Variants in YTHDC2 observed in about 807,000 individuals in gnomAD.
The protein encoded by YTHDC2 is YTH N6-methyladenosine RNA binding protein C2, also known as 3'-5' RNA helicase YTHDC2.
Under a neutral mutation model 174.9 loss-of-function variants are expected in YTHDC2, and 45 were observed. That is an observed-to-expected ratio of 0.26 (90% CI 0.20 to 0.33). The LOEUF (loss-of-function observed/expected upper bound fraction) is 0.33, where lower values mean the gene tolerates loss of function less well. YTHDC2 is among the 10% of genes least tolerant of loss of function. The pLI is 1.00. For synonymous variants in YTHDC2, 657 were observed against 574.5 expected, an observed-to-expected ratio of 1.14 and a Z score of -2.05; for missense variants, 1,650 against 1,723.7, an observed-to-expected ratio of 0.96 and a Z score of 0.76.
At chr5:113,546,030 G>A (rs1236942112) in intron 10 of YTHDC2, among the ~76,000 whole-genome samples, 1 of 150,530 alleles carries the variant, frequency 6.6e-6, no homozygotes, top group Non-Finnish European at 1.5e-5. Flanking sequence ...GTGAGCCACC[G>A]CGCCCGGCCT....
chr5:113,579,046 G>T (rs559450267), intron 23 of YTHDC2, among the ~76,000 whole-genome samples: 11 of 151,422 alleles, frequency 7.3e-5, no homozygotes, highest in Admixed American at 6.6e-4. Context: ...ATTTACAGAG[G>T]GTTATCTATT....
At chr5:113,556,219 A>G (rs1472655738) in intron 17 of YTHDC2, 85 bp downstream of exon 17, 19 of 654,608 alleles carry the variant, frequency 2.9e-5, no homozygotes, top group South Asian at 2.1e-4. Context: ...CATATATTCC[A>G]TGTTCAATAA....
chr5:113,515,833 G>C (rs1198014243), intron 2 of YTHDC2, among the ~76,000 whole-genome samples: 1 of 152,132 alleles, frequency 6.6e-6, no homozygotes, highest in East Asian at 1.9e-4. Context: ...GTAAATTGTG[G>C]GAAGGTATAT....
chr5:113,514,928 C>T (rs1248395502), intron 1 of YTHDC2, among the ~76,000 whole-genome samples: 8 of 151,912 alleles, frequency 5.3e-5, no homozygotes. Context: ...AAGTAGGGAC[C>T]AAGTTAAATA....
chr5:113,549,130 G>T (rs969836307), intron 12 of YTHDC2, 110 bp downstream of exon 12: 2 of 913,790 alleles, frequency 2.2e-6, no homozygotes, highest in Non-Finnish European at 3.2e-6. Context: ...TTTATCCAGA[G>T]ATTTTTTTTT....
intron 18 of YTHDC2, among the ~76,000 whole-genome samples, chr5:113,561,491 C>CA (rs1776969549): frequency 7.5e-6 from 1 of 133,050 alleles, no homozygotes; most frequent in Admixed American, 7.9e-5. Flanking sequence ...TTTTTTGAGT[C>CA]AGAGTCTTGC....
At chr5:113,569,458 A>C (rs1013020326) in intron 23 of YTHDC2, among the ~76,000 whole-genome samples, 1 of 151,996 alleles carries the variant, frequency 6.6e-6, no homozygotes, top group Non-Finnish European at 1.5e-5. Context: ...ATTTTCTTCG[A>C]GGGTTTTTAT....
Position 113,548,780 on chromosome 5 carries a change from G to A in YTHDC2, c.1622+113G>A, listed in dbSNP as rs1281306300. ...AAACTATTGTGTAATAATTGCTGGTGAATTTCTGTTTTAATGGGTTAATAA... is the reference window on the plus strand; with the variant it reads ...AAACTATTGTGTAATAATTGCTGGTAAATTTCTGTTTTAATGGGTTAATAA... On this transcript the variant is annotated intron_variant, in intron 11 of 29. Coordinates refer to ENST00000161863, the MANE Select transcript of YTHDC2 (RefSeq NM_022828.5). 3 of 1,259,360 alleles carry A rather than the reference G, an allele frequency of 2.4e-6. No homozygotes were observed. The Admixed American group carries it at 9.7e-5, about 41-fold the overall frequency. 78.0% of individuals were successfully genotyped at this position (1,259,360 alleles called of 1,614,324 possible).
At chr5:113,576,551 C>G (rs975564620) in intron 23 of YTHDC2, among the ~76,000 whole-genome samples, 6 of 152,006 alleles carry the variant, frequency 3.9e-5, no homozygotes, top group African/African-American at 9.7e-5. Flanking sequence ...ATATTAGCAC[C>G]GTTAAGAGTG....
At position 113,591,022 on chromosome 5, in the gene YTHDC2, C is replaced by G. The variant is rs1217988594; in HGVS notation, c.3826-19C>G. 3 of 1,608,086 alleles carry G rather than the reference C, an allele frequency of 1.9e-6. No individual in the cohort carries two copies. Among genetic ancestry groups the G allele is most frequent in the Admixed American group, 1.7e-5 (1 of 59,162 alleles). ...GAAAGGTCAGGTTACCTTTCAAGAACTTATGTTTTCTTTTATAGGGCTCAA... is the reference window on the plus strand; with the variant it reads ...GAAAGGTCAGGTTACCTTTCAAGAAGTTATGTTTTCTTTTATAGGGCTCAA... On this transcript the variant is annotated intron_variant, in intron 26 of 29. Coordinates refer to ENST00000161863, the MANE Select transcript of YTHDC2 (RefSeq NM_022828.5).
Position 113,592,300 on chromosome 5 carries a change from CAG to C in YTHDC2, c.4212+123_4212+124del, listed in dbSNP as rs972749737. ...TTATATTCCATATGCACATGGGAAA[CAG>C]GGGTTCAGGTTTGTAAAAAGATAGT... On this transcript the variant is annotated intron_variant, in intron 28 of 29. Transcript: ENST00000161863. 109 of 962,442 alleles carry C rather than the reference CAG, an allele frequency of 1.1e-4. 1 individual carries two copies. The South Asian group carries it at 1.2e-3, about 10-fold the overall frequency. The allele number at this position is 962,442 out of a possible 1,614,324, so 59.6% of individuals were successfully genotyped here. A position where few individuals can be genotyped will look rare whatever the true frequency, so the allele number is the denominator to read the frequency against.
intron 23 of YTHDC2, among the ~76,000 whole-genome samples, chr5:113,578,240 T>A (rs1028854894): frequency 4.6e-5 from 7 of 152,004 alleles, no homozygotes; most frequent in Non-Finnish European, 8.8e-5. Context: ...TTATTCCGGA[T>A]GTAGTGCAGT....
chr5:113,515,537 C>G (rs1339531477), intron 2 of YTHDC2, among the ~76,000 whole-genome samples, 175 bp downstream of exon 2: 1 of 152,188 alleles, frequency 6.6e-6, no homozygotes, highest in Non-Finnish European at 1.5e-5. Flanking sequence ...CCTCTTCCCT[C>G]TGTCTACCTC....
At chr5:113,530,276 A>G (rs936559107) in intron 4 of YTHDC2, among the ~76,000 whole-genome samples, 2 of 151,942 alleles carry the variant, frequency 1.3e-5, no homozygotes, top group Non-Finnish European at 2.9e-5. Flanking sequence ...ACCCAATTTA[A>G]GAGGCTATTT....
At chr5:113,521,061 G>T (rs542450609) in intron 2 of YTHDC2, among the ~76,000 whole-genome samples, 1 of 152,190 alleles carries the variant, frequency 6.6e-6, no homozygotes, top group Non-Finnish European at 1.5e-5. Flanking sequence ...ATGGCCTTCA[G>T]CTCCATCTGT....
intron 23 of YTHDC2, among the ~76,000 whole-genome samples, chr5:113,571,934 T>C (rs1004564571): frequency 3.9e-5 from 6 of 152,186 alleles, no homozygotes; most frequent in Non-Finnish European, 1.5e-5. Context: ...TTTGATTTGC[T>C]GATTTTTTTG....
intron 7 of YTHDC2, 116 bp downstream of exon 7, chr5:113,535,914 C>T: frequency 1.3e-6 from 1 of 797,626 alleles, no homozygotes; most frequent in Non-Finnish European, 1.9e-6. Flanking sequence ...ATTACCGTTC[C>T]ACCTGAGATA....
intron 24 of YTHDC2, 108 bp from the exon 25 acceptor site, chr5:113,581,309 G>A: frequency 9.9e-7 from 1 of 1,011,116 alleles, no homozygotes; most frequent in African/African-American, 1.7e-5. Flanking sequence ...TATATGAAAT[G>A]TGAAATAAGT....
At chr5:113,556,214 A>G (rs1477867256) in intron 17 of YTHDC2, 80 bp downstream of exon 17, 4 of 699,398 alleles carry the variant, frequency 5.7e-6, no homozygotes, top group African/African-American at 5.5e-5. Flanking sequence ...TTTATCATAT[A>G]TTCCATGTTC....
Sources: allele counts gnomAD v4.1 joint callset (sites outside exome capture counted in the v4.1 genomes callset), GRCh38; gene constraint gnomAD v4.1.1; transcripts MANE v1.5; gene names NCBI Gene and HGNC (gene_info 2026-07-23, HGNC 2026-07-21).